Variants in SPTLC3 observed in about 807,000 individuals in gnomAD.
SPTLC3 encodes the protein serine palmitoyltransferase long chain base subunit 3, also known as serine palmitoyltransferase 3.
SPTLC3 carries 36 observed loss-of-function variants against 59.3 expected under a neutral mutation model. The ratio of observed to expected loss-of-function variants is 0.61; its 90% confidence interval spans 0.47 to 0.80. The LOEUF (loss-of-function observed/expected upper bound fraction) is 0.80, where lower values mean the gene tolerates loss of function less well. SPTLC3 is among the 30% of genes least tolerant of loss of function. The probability of loss-of-function intolerance (pLI) is 0.00; values close to 1 mark genes in which losing one functional copy is unlikely to be tolerated. For synonymous variants in SPTLC3, 257 were observed against 240.8 expected, an observed-to-expected ratio of 1.07 and a Z score of -0.62; for missense variants, 625 against 685.1, an observed-to-expected ratio of 0.91 and a Z score of 0.98.
chr20:13,160,609 G>A (rs1269095087), intron 11 of SPTLC3, among the ~76,000 whole-genome samples: 1 of 152,214 alleles, frequency 6.6e-6, no homozygotes, highest in African/African-American at 2.4e-5. Context: ...GCCTTTTATT[G>A]TCCCTCGATT....
In SPTLC3 at chr20:13,117,488, T is replaced by C. The variant is rs150175260; in HGVS notation, c.933-18T>C. On this transcript the variant is annotated intron_variant, in intron 7 of 11. Transcript: ENST00000399002. ...GGAGGGTATTTGTTAGTTATGAGCA[T>C]TTCTCCTTCTGCCCTAGCATGGAAG... 2.4e-3 allele frequency: 3,711 copies of C among 1,557,394 alleles called. 4 individuals carry two copies. Among genetic ancestry groups the C allele is most frequent in the Non-Finnish European group, 2.9e-3 (3,380 of 1,152,354 alleles).
intron 4 of SPTLC3, among the ~76,000 whole-genome samples, chr20:13,076,933 A>G (rs1988668258): frequency 6.6e-6 from 1 of 152,138 alleles, no homozygotes; most frequent in African/African-American, 2.4e-5. Flanking sequence ...ACTGAGCCCA[A>G]AAATACAGCT....
At chr20:13,052,438 T>C (rs527907740) in intron 2 of SPTLC3, among the ~76,000 whole-genome samples, 4 of 152,132 alleles carry the variant, frequency 2.6e-5, no homozygotes, top group Admixed American at 2.6e-4. Context: ...AAGCACAAAA[T>C]TGGGCAGCTG....
intron 2 of SPTLC3, among the ~76,000 whole-genome samples, chr20:13,061,943 G>A (rs1206700729): frequency 1.3e-5 from 2 of 152,138 alleles, no homozygotes; most frequent in African/African-American, 4.8e-5. Flanking sequence ...AGCTGCCAGA[G>A]ACTCTGCAGA....
At chr20:13,096,653 G>T (rs1008188700) in intron 6 of SPTLC3, among the ~76,000 whole-genome samples, 1 of 152,124 alleles carries the variant, frequency 6.6e-6, no homozygotes, top group East Asian at 1.9e-4. Context: ...GGAGGGAATT[G>T]GTGAGAAGAG....
chr20:13,054,886 A>G (rs1414284386), intron 2 of SPTLC3, among the ~76,000 whole-genome samples: 1 of 152,190 alleles, frequency 6.6e-6, no homozygotes, highest in Non-Finnish European at 1.5e-5. Context: ...AAGGATGAAA[A>G]GAAAGTGAAG....
At chr20:13,016,427 G>C (rs977298578) in intron 1 of SPTLC3, among the ~76,000 whole-genome samples, 4 of 152,236 alleles carry the variant, frequency 2.6e-5, no homozygotes, top group Admixed American at 2.6e-4. Context: ...AATTCTTATA[G>C]CAGTAATGCA....
intron 1 of SPTLC3, among the ~76,000 whole-genome samples, chr20:13,027,272 C>A (rs1373310295): frequency 2.0e-5 from 3 of 152,300 alleles, no homozygotes; most frequent in Admixed American, 6.5e-5. Context: ...TCAGCATCAA[C>A]TACAATGATC....
At chr20:13,153,951 A>C in intron 9 of SPTLC3, 52 bp from the exon 10 acceptor site, 4 of 1,602,004 alleles carry the variant, frequency 2.5e-6, no homozygotes, top group African/African-American at 1.3e-5. Context: ...CCGGACCTTT[A>C]CTTCCCTCTT....
intron 5 of SPTLC3, among the ~76,000 whole-genome samples, chr20:13,093,218 G>C (rs183276469): frequency 6.6e-6 from 1 of 152,196 alleles, no homozygotes; most frequent in Non-Finnish European, 1.5e-5. Flanking sequence ...TGCTTAACAA[G>C]GATCTTGGAT....
chr20:13,148,734 A>G (rs2038574761), intron 9 of SPTLC3, among the ~76,000 whole-genome samples: 1 of 152,176 alleles, frequency 6.6e-6, no homozygotes, highest in Admixed American at 6.5e-5. Context: ...TGTTAAAACC[A>G]AAACTTATGC....
chr20:13,015,146 T>C (rs1985462501), intron 1 of SPTLC3, among the ~76,000 whole-genome samples: 1 of 152,150 alleles, frequency 6.6e-6, no homozygotes, highest in South Asian at 2.1e-4. Flanking sequence ...CAAGACAGGA[T>C]TATGCTGTTA....
At chr20:13,024,878 G>A (rs1339842211) in intron 1 of SPTLC3, among the ~76,000 whole-genome samples, 2 of 152,172 alleles carry the variant, frequency 1.3e-5, no homozygotes, top group African/African-American at 4.8e-5. Flanking sequence ...ACTTAGTTCA[G>A]TAATCTTTAC....
chr20:13,057,545 C>T (rs1048311598), intron 2 of SPTLC3, among the ~76,000 whole-genome samples: 1 of 152,106 alleles, frequency 6.6e-6, no homozygotes, highest in African/African-American at 2.4e-5. Flanking sequence ...CTCAAATATT[C>T]TGAAATTGGT....
chr20:13,078,377 C>A (rs6134773), intron 4 of SPTLC3, among the ~76,000 whole-genome samples: 4 of 151,110 alleles, frequency 2.6e-5, no homozygotes, highest in South Asian at 4.2e-4. Context: ...AACTGATTAT[C>A]TTCATAGATG....
At chr20:13,068,866 T>C (rs566732651) in intron 2 of SPTLC3, among the ~76,000 whole-genome samples, 1 of 152,358 alleles carries the variant, frequency 6.6e-6, no homozygotes, top group East Asian at 1.9e-4. Context: ...AAGGAAGTCT[T>C]TTCTGACCCT....
intron 2 of SPTLC3, among the ~76,000 whole-genome samples, chr20:13,069,868 T>C (rs549427087): frequency 1.3e-5 from 2 of 152,342 alleles, no homozygotes; most frequent in South Asian, 4.1e-4. Flanking sequence ...CCTAAAATTA[T>C]AATTCTCTTC....
chr20:13,080,359 T>A (rs1346796102), intron 4 of SPTLC3, among the ~76,000 whole-genome samples: 1 of 151,830 alleles, frequency 6.6e-6, no homozygotes, highest in Non-Finnish European at 1.5e-5. Flanking sequence ...AATACAAAAA[T>A]TAGCTGGATG....
chr20:13,063,951 T>C (rs976839808), intron 2 of SPTLC3, among the ~76,000 whole-genome samples: 1 of 152,098 alleles, frequency 6.6e-6, no homozygotes, highest in Non-Finnish European at 1.5e-5. Context: ...CCACTGCACC[T>C]GATCAATTTT....
Sources: allele counts gnomAD v4.1 joint callset (sites outside exome capture counted in the v4.1 genomes callset), GRCh38; gene constraint gnomAD v4.1.1; transcripts MANE v1.5; gene names NCBI Gene and HGNC (gene_info 2026-07-23, HGNC 2026-07-21).